ZNF225: variants seen among roughly 807,000 people sequenced by gnomAD.
ZNF225 encodes zinc finger protein 225.
ZNF225 carries 6 observed loss-of-function variants against 12.0 expected under a neutral mutation model. The observed-to-expected ratio is 0.50, with a 90% CI of 0.27 to 0.98. The LOEUF is 0.98. Ranked by LOEUF, ZNF225 falls within the 50% of genes least tolerant of loss-of-function variation. The pLI, the probability that ZNF225 is intolerant of heterozygous loss-of-function variation, is 0.11. For synonymous variants in ZNF225, 271 were observed against 283.2 expected, an observed-to-expected ratio of 0.96 and a Z score of 0.43; for missense variants, 763 against 848.2, an observed-to-expected ratio of 0.90 and a Z score of 1.25.
At chr19:44,118,980 C>G (rs1342879993) in intron 4 of ZNF225, among the ~76,000 whole-genome samples, 2 of 152,146 alleles carry the variant, frequency 1.3e-5, no homozygotes, top group Non-Finnish European at 2.9e-5. Context: ...CCACGCCCGG[C>G]TAATTTTTTG....
intron 4 of ZNF225, among the ~76,000 whole-genome samples, chr19:44,120,700 C>A (rs1288051765): frequency 6.6e-6 from 1 of 152,046 alleles, no homozygotes; most frequent in Admixed American, 6.5e-5. Flanking sequence ...TGTCTTGGAG[C>A]TTTATGTTTT....
intron 1 of ZNF225, chr19:44,114,221 A>G (rs1282391144): frequency 5.0e-6 from 5 of 1,005,108 alleles, no homozygotes; most frequent in Non-Finnish European, 7.8e-6. Flanking sequence ...TACGTGAGTG[A>G]TCCTTGGCTT....
chr19:44,120,770 A>G (rs1322304846), intron 4 of ZNF225, among the ~76,000 whole-genome samples: 2 of 152,166 alleles, frequency 1.3e-5, no homozygotes, highest in African/African-American at 2.4e-5. Flanking sequence ...ATTTGGTTAC[A>G]TAAGTTCTTT....
At chr19:44,121,340 G>A (rs1009993275) in intron 4 of ZNF225, among the ~76,000 whole-genome samples, 2 of 152,106 alleles carry the variant, frequency 1.3e-5, no homozygotes, top group African/African-American at 4.8e-5. Flanking sequence ...CCTTTTTATG[G>A]CTGAGTAGTA....
chr19:44,126,147 G>A (rs1036011344), intron 4 of ZNF225, among the ~76,000 whole-genome samples: 6 of 152,156 alleles, frequency 3.9e-5, no homozygotes, highest in Non-Finnish European at 7.3e-5. Flanking sequence ...TGGTTTTCTG[G>A]TTCCTTCTCA....
intron 4 of ZNF225, among the ~76,000 whole-genome samples, chr19:44,127,919 G>A (rs1418558816): frequency 2.0e-5 from 3 of 152,160 alleles, no homozygotes; most frequent in Non-Finnish European, 4.4e-5. Context: ...TGGGATTGCA[G>A]GGAATGAGCC....
At position 44,132,682 on chromosome 19, in the gene ZNF225, A is replaced by G. The variant is rs554581531; in HGVS notation, c.2068A>G (p.Lys690Glu). Residue 690 changes from lysine (K) to glutamate (E), a missense_variant, in exon 5 of 5, where the codon AAG (lysine) becomes GAG (glutamate). By Grantham distance (56) the Lys-to-Glu change is moderately conservative. Transcript: ENST00000262894. ...SKCEDCGKRY[K>E]RRLNLDTLLS... The stretch of plus-strand genomic sequence containing the variant: ...ATGTGAGGACTGTGGGAAGCGCTAC[A>G]AGAGGCGCTTGAATCTTGATACGCT... 1.5e-4 allele frequency: 249 copies of G among 1,609,550 alleles called. 4 individuals are homozygous for G. The South Asian group carries it at 2.7e-3, about 17-fold the overall frequency.
chr19:44,131,331 A>G lies in ZNF225; in HGVS notation c.717A>G (p.Lys239=), dbSNP rs184632900. The change falls in exon 5 of 5, where the codon AAA becomes AAG. Residue 239 remains lysine, a synonymous_variant. Coordinates refer to ENST00000262894, the MANE Select transcript of ZNF225 (RefSeq NM_013362.4). The stretch of plus-strand genomic sequence containing the variant: ...CATTCAAATGTGAGCAGTGTGGGAA[A>G]GGCTTTAGTCGTAGATCAGGACTTT... ...EKPFKCEQCG[K]GFSRRSGLYV... is the part of the protein sequence containing the mutation. 5.0e-5 allele frequency: 81 copies of G among 1,614,134 alleles called. 1 individual carries two copies. The highest frequency in any genetic ancestry group is 5.0e-4 in the Admixed American group (30 of 60,022).
At chr19:44,111,597 T>G (rs1287067500), upstream of ZNF225, among the ~76,000 whole-genome samples, 1 of 152,182 alleles carries the variant, frequency 6.6e-6, no homozygotes, top group East Asian at 1.9e-4. Flanking sequence ...AGTATAAACA[T>G]AAAATATTCA....
At chr19:44,112,974 A>T (rs1555776297), upstream of ZNF225, 1 of 152,046 alleles carries the variant, frequency 6.6e-6, no homozygotes, top group Non-Finnish European at 1.5e-5. Flanking sequence ...GAGAAGGACG[A>T]CTCTCAGGAT....
chr19:44,132,706 C>G lies in ZNF225; in HGVS notation c.2092C>G (p.Leu698Val). Residue 698 changes from leucine to valine, a missense_variant, in exon 5 of 5, where the codon CTT becomes GTT. Transcript: ENST00000262894. ...RYKRRLNLDT[L>V]LSLFLNDT is the part of the protein sequence containing the mutation. ...CAAGAGGCGCTTGAATCTTGATACG[C>G]TTTTGTCATTATTTTTAAATGACAC... The G allele has an allele frequency of 6.2e-7, 1 of 1,604,188 alleles. No homozygotes were observed. The highest frequency in any genetic ancestry group is 1.1e-5 in the South Asian group (1 of 89,390).
chr19:44,117,324 C>T (rs547180257), intron 2 of ZNF225, among the ~76,000 whole-genome samples: 25 of 152,320 alleles, frequency 1.6e-4, no homozygotes, highest in Non-Finnish European at 1.3e-4. Flanking sequence ...GTCTGCAGAT[C>T]ATAGATCAAT....
rs746685502 is a variant in ZNF225 at position 44,131,910 on chromosome 19, G to A, written c.1296G>A (p.Glu432=). ...GAGAAAAGCCATATAGATGTGAGGA[G>A]TGTGGGAAGGGCTACAAAAGGAGGT... ...HSGEKPYRCE[E]CGKGYKRRLD... The change falls in exon 5 of 5, where the codon GAG becomes GAA. Residue 432 remains glutamate, a synonymous_variant. Coordinates refer to ENST00000262894, the MANE Select transcript of ZNF225 (RefSeq NM_013362.4). 19 of 1,614,112 alleles carry A rather than the reference G, an allele frequency of 1.2e-5. No individual in the cohort carries two copies. Among genetic ancestry groups the A allele is most frequent in the South Asian group, 1.1e-4 (10 of 91,078 alleles).
intron 4 of ZNF225, among the ~76,000 whole-genome samples, chr19:44,122,478 C>T (rs558431517): frequency 1.7e-4 from 26 of 152,020 alleles, no homozygotes; most frequent in African/African-American, 6.0e-4. Context: ...TTTGGCTCTG[C>T]GAGCTCTTTT....
chr19:44,116,587 A>C (rs1476336874), intron 2 of ZNF225, among the ~76,000 whole-genome samples: 3 of 152,226 alleles, frequency 2.0e-5, no homozygotes, highest in Non-Finnish European at 4.4e-5. Flanking sequence ...AAACAGATAA[A>C]ATCCAAAATA....
In ZNF225 at chr19:44,124,835, C is replaced by T. The variant is rs142404311; in HGVS notation, c.236-6015C>T. 5.0e-3 allele frequency among the ~76,000 whole-genome samples: 754 copies of T among 152,262 alleles called. 9 individuals carry two copies. The highest frequency in any genetic ancestry group is 0.017 in the African/African-American group (697 of 41,552). On this transcript the variant is annotated intron_variant, in intron 4 of 4. Transcript: ENST00000262894. Reference sequence around the variant, plus strand: ...TTTGTCTGATATCAGAATAGCTACCCCTGCTCATTTTTGGTGTCCATTTGC... The same window carrying T: ...TTTGTCTGATATCAGAATAGCTACCTCTGCTCATTTTTGGTGTCCATTTGC...
At chr19:44,127,555 C>T (rs1299459351) in intron 4 of ZNF225, among the ~76,000 whole-genome samples, 6 of 152,160 alleles carry the variant, frequency 3.9e-5, no homozygotes, top group South Asian at 2.1e-4. Context: ...TCCTGCCTTC[C>T]GTCCGCCATG....
intron 4 of ZNF225, among the ~76,000 whole-genome samples, chr19:44,124,758 T>G (rs1968116411): frequency 6.6e-6 from 1 of 152,316 alleles, no homozygotes; most frequent in South Asian, 2.1e-4. Flanking sequence ...GCCTTTTACA[T>G]TATATAATGT....
intron 4 of ZNF225, among the ~76,000 whole-genome samples, chr19:44,123,510 A>G (rs1255386773): frequency 6.6e-6 from 1 of 152,066 alleles, no homozygotes; most frequent in Non-Finnish European, 1.5e-5. Flanking sequence ...GTTTCCTAGG[A>G]TGAATTAGGA....
Sources: gnomAD v4.1 joint callset for allele counts (sites outside exome capture counted in the v4.1 genomes callset) on GRCh38, gnomAD v4.1.1 for gene constraint, MANE v1.5 for transcripts, NCBI Gene and HGNC (gene_info 2026-07-23, HGNC 2026-07-21) for gene names.